The following FER variants were observed in gnomAD, a reference collection of about 807,000 sequenced individuals.
FER encodes tyrosine-protein kinase Fer.
In FER, 63 loss-of-function variants were observed where a neutral mutation model predicts 111.0. That is an observed-to-expected ratio of 0.57 (90% CI 0.46 to 0.70). FER has a LOEUF of 0.70. FER is among the 30% of genes least tolerant of loss of function. The pLI, the probability that FER is intolerant of heterozygous loss-of-function variation, is 0.00. For missense variants in FER, 914 were observed against 954.0 expected (o/e 0.96, Z 0.55); for synonymous variants, 327 against 313.9 (o/e 1.04, Z -0.44).
intron 13 of FER, among the ~76,000 whole-genome samples, chr5:108,981,715 A>G (rs1237702566): frequency 6.6e-6 from 1 of 152,044 alleles, no homozygotes; most frequent in African/African-American, 2.4e-5. Flanking sequence ...TTATTTTCCT[A>G]GTTTTATGGA....
intron 16 of FER, among the ~76,000 whole-genome samples, chr5:109,061,603 T>A (rs1774424457): frequency 1.3e-5 from 2 of 152,182 alleles, no homozygotes; most frequent in Admixed American, 6.5e-5. Context: ...AAGCAAAATG[T>A]CTGTGCAAGA....
At chr5:108,786,250 A>G (rs953799604) in intron 2 of FER, among the ~76,000 whole-genome samples, 11 of 152,194 alleles carry the variant, frequency 7.2e-5, no homozygotes, top group Non-Finnish European at 1.2e-4. Flanking sequence ...CTAAAGCCCT[A>G]TGCTGGTACA....
At position 109,129,168 on chromosome 5, in the gene FER, A is replaced by G. The variant is rs377042794; in HGVS notation, c.2048+28649A>G. Among the ~76,000 whole-genome samples, 116 of 152,126 alleles carry G rather than the reference A, an allele frequency of 7.6e-4. 3 individuals are homozygous for G. The South Asian group carries it at 0.024, about 31-fold the overall frequency. ...GTAGAGCTGGGGTGGTGGCAGAGGA[A>G]TAAAGTCAGATACTCATACCTTATC... On this transcript the variant is annotated intron_variant, in intron 17 of 19. Coordinates refer to ENST00000281092, the MANE Select transcript of FER (RefSeq NM_005246.4).
intron 2 of FER, among the ~76,000 whole-genome samples, chr5:108,787,144 C>G (rs547671703): frequency 2.0e-5 from 3 of 152,262 alleles, no homozygotes; most frequent in African/African-American, 2.4e-5. Context: ...AGTGCCTGCT[C>G]TCACCCCCTG....
At chr5:108,787,092 C>T (rs1373471658) in intron 2 of FER, among the ~76,000 whole-genome samples, 2 of 152,034 alleles carry the variant, frequency 1.3e-5, no homozygotes, top group East Asian at 3.9e-4. Flanking sequence ...TGCCCAGCTG[C>T]AGCTTGGGGC....
At chr5:109,171,054 A>G (rs1198033743) in intron 17 of FER, among the ~76,000 whole-genome samples, 2 of 152,220 alleles carry the variant, frequency 1.3e-5, no homozygotes, top group Admixed American at 6.5e-5. Context: ...TCTTGCATAT[A>G]TCTATCTATG....
chr5:108,944,108 T>TAA (rs1756646205), intron 10 of FER, among the ~76,000 whole-genome samples: 1 of 145,638 alleles, frequency 6.9e-6, no homozygotes, highest in Non-Finnish European at 1.5e-5. Context: ...TGTGTATGTG[T>TAA]ACACACACAC....
chr5:108,906,378 G>C (rs189114059), intron 10 of FER, among the ~76,000 whole-genome samples: 1 of 151,964 alleles, frequency 6.6e-6, no homozygotes, highest in Non-Finnish European at 1.5e-5. Context: ...TAGATGATAG[G>C]TAAGCATGTT....
chr5:109,037,484 T>C lies in FER; in HGVS notation c.1713+6T>C, dbSNP rs915687125. 6.2e-7 allele frequency: 1 copy of C among 1,609,732 alleles called. No homozygotes were observed. The highest frequency in any genetic ancestry group is 1.3e-5 in the African/African-American group (1 of 74,792). The stretch of plus-strand genomic sequence containing the variant: ...TGGGAGAATTACTGGGCAAGGTATG[T>C]AATCAACTGAGCTAAATAACCAGAA... On this transcript the variant is annotated splice_donor_region_variant and intron_variant, in intron 14 of 19. Coordinates refer to ENST00000281092, the MANE Select transcript of FER (RefSeq NM_005246.4).
chr5:108,843,558 T>A (rs1761496200), intron 5 of FER, among the ~76,000 whole-genome samples: 1 of 148,784 alleles, frequency 6.7e-6, no homozygotes, highest in South Asian at 2.2e-4. Context: ...CAAGATGGAG[T>A]CTCGCTCTGT....
At chr5:108,806,440 C>A (rs1021125701) in intron 3 of FER, among the ~76,000 whole-genome samples, 1 of 152,224 alleles carries the variant, frequency 6.6e-6, no homozygotes, top group African/African-American at 2.4e-5. Context: ...GGGCTACCGT[C>A]CTCCAGACCC....
chr5:108,960,077 G>A (rs1758944023), intron 13 of FER, among the ~76,000 whole-genome samples: 1 of 152,038 alleles, frequency 6.6e-6, no homozygotes, highest in South Asian at 2.1e-4. Context: ...TTTCAGGACT[G>A]TCTAATATGA....
intron 5 of FER, among the ~76,000 whole-genome samples, chr5:108,846,692 C>T (rs1386817283): frequency 1.3e-5 from 2 of 152,122 alleles, no homozygotes; most frequent in African/African-American, 4.8e-5. Context: ...ACGCCATTCT[C>T]CTGTCTCAGC....
chr5:109,063,752 T>G (rs1774739376), intron 16 of FER, among the ~76,000 whole-genome samples: 1 of 152,228 alleles, frequency 6.6e-6, no homozygotes, highest in Non-Finnish European at 1.5e-5. Context: ...TGGAGTTTAT[T>G]ATTTTGTGTT....
Position 109,183,117 on chromosome 5 carries a change from C to T in FER, c.2203+2216C>T, listed in dbSNP as rs138369555. 8.1e-4 allele frequency among the ~76,000 whole-genome samples: 123 copies of T among 152,178 alleles called. No homozygotes were observed. In the East Asian group the frequency reaches 0.02, roughly 25 times the overall value. Reference sequence around the variant, plus strand: ...GAAGGAGAGATTTTGATATAGGAGACGTTTATAGTATTTAATACCCAGTCC... The same window carrying T: ...GAAGGAGAGATTTTGATATAGGAGATGTTTATAGTATTTAATACCCAGTCC... On this transcript the variant is annotated intron_variant, in intron 18 of 19. Transcript: ENST00000281092.
intron 1 of FER, among the ~76,000 whole-genome samples, chr5:108,762,207 C>T (rs1318999264): frequency 6.6e-6 from 1 of 152,138 alleles, no homozygotes; most frequent in Non-Finnish European, 1.5e-5. Context: ...GTTTTGGATG[C>T]CAGTGGCAGA....
chr5:109,100,205 G>A (rs1748061037), intron 16 of FER, among the ~76,000 whole-genome samples, 191 bp from the exon 17 acceptor site: 1 of 151,674 alleles, frequency 6.6e-6, no homozygotes, highest in Non-Finnish European at 1.5e-5. Context: ...AGAGATTATG[G>A]TGTCTGTTTT....
chr5:109,001,196 C>T (rs930135687), intron 13 of FER, among the ~76,000 whole-genome samples: 2 of 152,122 alleles, frequency 1.3e-5, no homozygotes, highest in Non-Finnish European at 2.9e-5. Flanking sequence ...GAATTTTAGA[C>T]CAATACCCTT....
chr5:108,963,659 T>C (rs1448815209), intron 13 of FER, among the ~76,000 whole-genome samples: 5 of 152,200 alleles, frequency 3.3e-5, no homozygotes, highest in African/African-American at 7.2e-5. Context: ...GTAATTGTAA[T>C]TGTAGCTTTT....
Sources: allele counts gnomAD v4.1 joint callset (sites outside exome capture counted in the v4.1 genomes callset), GRCh38; gene constraint gnomAD v4.1.1; transcripts MANE v1.5; gene names NCBI Gene and HGNC (gene_info 2026-07-23, HGNC 2026-07-21).